GPR158: variants seen among roughly 807,000 people sequenced by gnomAD.
The protein encoded by GPR158 is metabotropic glycine receptor.
GPR158 carries 30 observed loss-of-function variants against 78.2 expected under a neutral mutation model. The observed-to-expected ratio is 0.38, with a 90% CI of 0.29 to 0.52. The LOEUF (loss-of-function observed/expected upper bound fraction) is 0.52, where lower values mean the gene tolerates loss of function less well. Among genes scored for constraint, GPR158 ranks in the 20% least tolerant of loss-of-function variants. GPR158 has a pLI of 0.83. For synonymous variants in GPR158, 581 were observed against 591.1 expected (o/e 0.98, Z 0.25); for missense variants, 1,463 against 1,523.5 (o/e 0.96, Z 0.66).
chr10:25,245,604 G>A (rs1588755151), intron 2 of GPR158, among the ~76,000 whole-genome samples: 1 of 152,106 alleles, frequency 6.6e-6, no homozygotes, highest in Non-Finnish European at 1.5e-5. Context: ...CAAGATTGTG[G>A]TAAAGTTCCT....
At chr10:25,535,261 A>G (rs1042269659) in intron 5 of GPR158, among the ~76,000 whole-genome samples, 52 of 152,352 alleles carry the variant, frequency 3.4e-4, no homozygotes, top group African/African-American at 1.1e-3. Context: ...TTTCTAATCA[A>G]TCAAACAGAT....
chr10:25,304,998 T>G (rs1854650348), intron 2 of GPR158, among the ~76,000 whole-genome samples: 1 of 152,212 alleles, frequency 6.6e-6, no homozygotes, highest in Non-Finnish European at 1.5e-5. Flanking sequence ...TCTTAGCTCT[T>G]CAAAGATCTT....
intron 2 of GPR158, among the ~76,000 whole-genome samples, chr10:25,235,853 T>G (rs184287491): frequency 1.3e-5 from 2 of 151,914 alleles, no homozygotes; most frequent in African/African-American, 4.8e-5. Context: ...CCTGCCACCA[T>G]GCCCGGCTAA....
At chr10:25,195,599 C>G (rs1195214190) in intron 1 of GPR158, among the ~76,000 whole-genome samples, 3 of 152,186 alleles carry the variant, frequency 2.0e-5, no homozygotes, top group Non-Finnish European at 4.4e-5. Context: ...GTATAAGTCG[C>G]TTTAGGTCTT....
At chr10:25,585,503 A>G (rs1404114932) in intron 7 of GPR158, among the ~76,000 whole-genome samples, 2 of 152,240 alleles carry the variant, frequency 1.3e-5, no homozygotes, top group Non-Finnish European at 2.9e-5. Flanking sequence ...TAAAAACTAT[A>G]AAGATACTAG....
Position 25,594,405 on chromosome 10 carries a change from T to C in GPR158, c.1998+8T>C. 1 of 1,310,530 alleles carries C rather than the reference T, an allele frequency of 7.6e-7. No individual in the cohort carries two copies. Among genetic ancestry groups the C allele is most frequent in the Non-Finnish European group, 1.1e-6 (1 of 924,338 alleles). The allele number at this position is 1,310,530 out of a possible 1,614,324, so 81.2% of individuals were successfully genotyped here. Reference sequence around the variant, plus strand: ...TTGCTTTTGATTCCAAAGGTATTCTTCTAATATTACTTTTTTTTTTGCAAA... The same window carrying C: ...TTGCTTTTGATTCCAAAGGTATTCTCCTAATATTACTTTTTTTTTTGCAAA... On this transcript the variant is annotated splice_region_variant and intron_variant, in intron 9 of 10. Transcript: ENST00000376351.
rs1400811945 is a variant in GPR158, at chr10:25,554,991, A to C, written c.1514+3906A>C. Among the ~76,000 whole-genome samples, 5 of 151,960 alleles carry C rather than the reference A, an allele frequency of 3.3e-5. No individual in the cohort carries two copies. The East Asian group carries it at 7.7e-4, about 24-fold the overall frequency. Reference sequence around the variant, plus strand: ...ATGTGGTGTAATTTATTCAAAGCTGAAACTATTTGAGAGAGAGGAAAGAAA... The same window carrying C: ...ATGTGGTGTAATTTATTCAAAGCTGCAACTATTTGAGAGAGAGGAAAGAAA... On this transcript the variant is annotated intron_variant, in intron 6 of 10. Transcript: ENST00000376351.
Position 25,175,343 on chromosome 10 carries a change from C to A in GPR158, c.-78C>A. ...GGGAAGACTCCTCGAAAAAGTCTGACTGTTGAGAAACTGACGATCCAAATT... is the reference window on the plus strand; with the variant it reads ...GGGAAGACTCCTCGAAAAAGTCTGAATGTTGAGAAACTGACGATCCAAATT... On this transcript the variant is annotated 5_prime_UTR_variant, in exon 1 of 11. In the 5' UTR this introduces an upstream ATG that the reference lacks. Coordinates refer to ENST00000376351, the MANE Select transcript of GPR158 (RefSeq NM_020752.3). This position sits in a 1 kb window ranked among gnomAD's most constrained non-coding sequence, Gnocchi z 6.4. The A allele has an allele frequency of 3.5e-6, 3 of 852,466 alleles. No homozygotes were observed. Among genetic ancestry groups the A allele is most frequent in the Non-Finnish European group, 5.6e-6 (3 of 539,506 alleles). The allele number at this position is 852,466 out of a possible 1,614,324, so 52.8% of individuals were successfully genotyped here. A position where few individuals can be genotyped will look rare whatever the true frequency, so the allele number is the denominator to read the frequency against.
intron 6 of GPR158, among the ~76,000 whole-genome samples, chr10:25,558,611 G>A (rs984581009): frequency 6.6e-6 from 1 of 152,194 alleles, no homozygotes; most frequent in Non-Finnish European, 1.5e-5. Flanking sequence ...TTTCTGTGAT[G>A]TGCCAGAGGC....
chr10:25,553,814 T>G (rs1184404217), intron 6 of GPR158, among the ~76,000 whole-genome samples: 1 of 152,162 alleles, frequency 6.6e-6, no homozygotes, highest in Non-Finnish European at 1.5e-5. Flanking sequence ...AAATTGGAAC[T>G]TCAATTCTGC....
chr10:25,180,199 G>A (rs1238648778), intron 1 of GPR158, among the ~76,000 whole-genome samples: 3 of 152,174 alleles, frequency 2.0e-5, no homozygotes, highest in Non-Finnish European at 4.4e-5. Context: ...TTTGCTAGAA[G>A]TGGAATAACT....
chr10:25,434,468 G>C (rs1027037431), intron 4 of GPR158, among the ~76,000 whole-genome samples: 1 of 152,100 alleles, frequency 6.6e-6, no homozygotes, highest in Non-Finnish European at 1.5e-5. Flanking sequence ...TAAATCGTTG[G>C]TGGTTTTTCC....
At position 25,314,207 on chromosome 10, in the gene GPR158, TCTC is replaced by T. The variant is rs1362362254; in HGVS notation, c.1009-81699_1009-81697del. Among the ~76,000 whole-genome samples, 4 of 151,962 alleles carry T rather than the reference TCTC, an allele frequency of 2.6e-5. No individual in the cohort carries two copies. In the East Asian group the frequency reaches 7.7e-4, roughly 29 times the overall value. ...CCTCCACCTCCTGGGTTCAAGCAAT[TCTC>T]CTCCCTCAGCCTCCCGAGTAGCTGG... On this transcript the variant is annotated intron_variant, in intron 2 of 10. Coordinates refer to ENST00000376351, the MANE Select transcript of GPR158 (RefSeq NM_020752.3).
At chr10:25,240,638 C>A (rs1170558604) in intron 2 of GPR158, among the ~76,000 whole-genome samples, 1 of 149,168 alleles carries the variant, frequency 6.7e-6, no homozygotes, top group South Asian at 2.2e-4. Context: ...GCTGATAGAA[C>A]GAATAGATGG....
intron 4 of GPR158, among the ~76,000 whole-genome samples, chr10:25,450,005 A>AAG (rs1835192694): frequency 4.7e-5 from 1 of 21,092 alleles, no homozygotes; most frequent in African/African-American, 2.6e-4. Flanking sequence ...AAATGATCAG[A>AAG]AAAAAAAAAC....
chr10:25,596,666 A>G lies in GPR158; in HGVS notation c.2022A>G (p.Pro674=), dbSNP rs762435605. 6.2e-7 allele frequency: 1 copy of G among 1,613,204 alleles called. No homozygotes were observed. Among genetic ancestry groups the G allele is most frequent in the East Asian group, 2.2e-5 (1 of 44,854 alleles). ...IPKFSHSSNN[P]RDDIATEAYE... is the part of the protein sequence containing the mutation. Reference sequence around the variant, plus strand: ...AGTTTTCACATTCAAGCAATAACCCACGAGATGATATTGCTACAGAAGCAT... The same window carrying G: ...AGTTTTCACATTCAAGCAATAACCCGCGAGATGATATTGCTACAGAAGCAT... The change falls in exon 10 of 11, where the codon CCA becomes CCG. Residue 674 remains proline (P), a synonymous_variant. Transcript: ENST00000376351.
intron 1 of GPR158, among the ~76,000 whole-genome samples, chr10:25,206,145 C>CTGG (rs949793405): frequency 2.0e-5 from 3 of 152,032 alleles, no homozygotes; most frequent in African/African-American, 7.2e-5. Flanking sequence ...ACCACCACAC[C>CTGG]TGGCTAATTT....
rs948532123 is a variant in GPR158 at position 25,582,180 on chromosome 10, G to C, written c.1754-6827G>C. Among the ~76,000 whole-genome samples, 3 of 152,250 alleles carry C rather than the reference G, an allele frequency of 2.0e-5. No homozygotes were observed. In the East Asian group the frequency reaches 5.8e-4, roughly 29 times the overall value. ...CAATTCAAGATGAGATTTGGGTGGG[G>C]ACACAGCCAAACCATATCAGACAGA... On this transcript the variant is annotated intron_variant, in intron 7 of 10. Transcript: ENST00000376351.
At chr10:25,222,765 A>G (rs896215559) in intron 2 of GPR158, among the ~76,000 whole-genome samples, 1 of 152,134 alleles carries the variant, frequency 6.6e-6, no homozygotes, top group African/African-American at 2.4e-5. Flanking sequence ...CATGGGTGTC[A>G]TATTGTGGAT....
Sources: allele counts gnomAD v4.1 joint callset (sites outside exome capture counted in the v4.1 genomes callset), GRCh38; gene constraint gnomAD v4.1.1; non-coding constraint Gnocchi (gnomAD v3.1); transcripts MANE v1.5; gene names NCBI Gene and HGNC (gene_info 2026-07-23, HGNC 2026-07-21).